Variants in NXPE2 observed in about 807,000 individuals in gnomAD.
NXPE2 encodes the protein neurexophilin and PC-esterase domain family member 2.
NXPE2 carries 34 observed loss-of-function variants against 34.4 expected under a neutral mutation model. That is an observed-to-expected ratio of 0.99 (90% confidence interval 0.75 to 1.31). The LOEUF (loss-of-function observed/expected upper bound fraction) is 1.31, where lower values mean the gene tolerates loss of function less well. Ranked by LOEUF, NXPE2 falls within the 40% of genes most tolerant of loss-of-function variation. NXPE2 has a pLI of 0.00. For missense variants in NXPE2, 649 were observed against 672.5 expected (o/e 0.97, Z 0.39); for synonymous variants, 235 against 231.3 (o/e 1.02, Z -0.15).
the NXPE2 span, among the ~76,000 whole-genome samples, chr11:114,780,677 G>C: frequency 6.6e-6 from 1 of 152,194 alleles, no homozygotes; most frequent in Non-Finnish European, 1.5e-5. Flanking sequence ...ACAACATGCT[G>C]TAAGAGGCTC....
At chr11:114,640,281 T>G in the NXPE2 span, among the ~76,000 whole-genome samples, 1 of 144,212 alleles carries the variant, frequency 6.9e-6, no homozygotes, top group Non-Finnish European at 1.5e-5. Context: ...ATATAATACA[T>G]TATTTTGTTC....
At chr11:114,778,669 G>A in the NXPE2 span, among the ~76,000 whole-genome samples, 1 of 152,178 alleles carries the variant, frequency 6.6e-6, no homozygotes, top group Non-Finnish European at 1.5e-5. Context: ...AGAGCAGCTG[G>A]GAGGGAGGAA....
chr11:114,808,644 G>T, the NXPE2 span, among the ~76,000 whole-genome samples: 2,622 of 146,242 alleles, frequency 0.018, 34 homozygotes, highest in Non-Finnish European at 0.027. Context: ...ACTAAACCAG[G>T]AAGAAGTTGA....
At chr11:114,553,397 T>C in the NXPE2 span, among the ~76,000 whole-genome samples, 1 of 152,194 alleles carries the variant, frequency 6.6e-6, no homozygotes, top group South Asian at 2.1e-4. Context: ...CAAGCAGTTC[T>C]GTGGTTCATA....
At chr11:114,766,348 G>A in the NXPE2 span, among the ~76,000 whole-genome samples, 1 of 152,134 alleles carries the variant, frequency 6.6e-6, no homozygotes, top group African/African-American at 2.4e-5. Context: ...GCTGACGGAA[G>A]CATCATAGCT....
the NXPE2 span, among the ~76,000 whole-genome samples, chr11:114,565,240 C>T: frequency 6.6e-6 from 1 of 152,128 alleles, no homozygotes. Context: ...ATTTTGGGGC[C>T]TCTCTGTCAT....
chr11:114,759,238 C>T, the NXPE2 span, among the ~76,000 whole-genome samples: 45 of 152,204 alleles, frequency 3.0e-4, no homozygotes, highest in Non-Finnish European at 5.0e-4. Flanking sequence ...CGGAGGTCCT[C>T]GGAGCCTCCT....
the NXPE2 span, among the ~76,000 whole-genome samples, chr11:114,514,149 T>G: frequency 6.6e-6 from 1 of 152,228 alleles, no homozygotes; most frequent in Non-Finnish European, 1.5e-5. Context: ...TGATGTATTT[T>G]GAATGTCTTT....
chr11:114,712,873 C>T, the NXPE2 span, among the ~76,000 whole-genome samples: 1 of 151,926 alleles, frequency 6.6e-6, no homozygotes, highest in Non-Finnish European at 1.5e-5. Flanking sequence ...AGGTGAAGCA[C>T]CTCAAATGTC....
chr11:114,631,901 C>T, the NXPE2 span, among the ~76,000 whole-genome samples: 2 of 151,390 alleles, frequency 1.3e-5, no homozygotes, highest in East Asian at 1.9e-4. Context: ...TAAGTATTGC[C>T]TCGTGGGTCA....
the NXPE2 span, among the ~76,000 whole-genome samples, chr11:114,601,736 TATA>T: frequency 3.3e-3 from 241 of 72,980 alleles, 9 homozygotes; most frequent in African/African-American, 0.012. Context: ...ATATATTATA[TATA>T]ATTATAATAT....
chr11:114,753,270 G>C, the NXPE2 span, among the ~76,000 whole-genome samples: 1 of 152,082 alleles, frequency 6.6e-6, no homozygotes, highest in Non-Finnish European at 1.5e-5. Flanking sequence ...GCATGCACCT[G>C]TAGACCCAGC....
At chr11:114,717,480 T>A in the NXPE2 span, among the ~76,000 whole-genome samples, 9 of 152,328 alleles carry the variant, frequency 5.9e-5, no homozygotes, top group Non-Finnish European at 1.0e-4. Flanking sequence ...TGTTTCAAAG[T>A]ATCTGACATG....
the NXPE2 span, among the ~76,000 whole-genome samples, chr11:114,630,314 C>T: frequency 3.2e-4 from 49 of 151,772 alleles, 2 homozygotes; most frequent in Admixed American, 2.6e-3. Flanking sequence ...GGTACTGGTA[C>T]CAAAATAGAG....
the NXPE2 span, among the ~76,000 whole-genome samples, chr11:114,802,408 G>T: frequency 6.6e-6 from 1 of 152,216 alleles, no homozygotes; most frequent in African/African-American, 2.4e-5. Flanking sequence ...CAACTTAAGT[G>T]TGAAATATCC....
At chr11:114,489,778 T>C in the NXPE2 span, among the ~76,000 whole-genome samples, 2 of 152,266 alleles carry the variant, frequency 1.3e-5, no homozygotes, top group East Asian at 3.9e-4. Flanking sequence ...ACTGGGAGCA[T>C]TCCCTTTGAA....
chr11:114,492,529 A>G, the NXPE2 span, among the ~76,000 whole-genome samples: 45 of 150,534 alleles, frequency 3.0e-4, no homozygotes, highest in South Asian at 2.1e-4. Context: ...ATTAAGTCCA[A>G]TGTTTCTTTT....
chr11:114,536,417 A>G, the NXPE2 span, among the ~76,000 whole-genome samples: 27 of 152,228 alleles, frequency 1.8e-4, no homozygotes, highest in African/African-American at 6.5e-4. Context: ...GCAGAAGGCA[A>G]GAAATAACTA....
chr11:114,611,697 G>T, the NXPE2 span, among the ~76,000 whole-genome samples: 3 of 149,440 alleles, frequency 2.0e-5, no homozygotes, highest in Non-Finnish European at 4.5e-5. Context: ...ACTGTTACCC[G>T]GTGGATAGTT....
Sources: gnomAD v4.1 joint callset for allele counts (sites outside exome capture counted in the v4.1 genomes callset) on GRCh38, gnomAD v4.1.1 for gene constraint, MANE v1.5 for transcripts, NCBI Gene and HGNC (gene_info 2026-07-23, HGNC 2026-07-21) for gene names.